The following DPYD variants were observed in gnomAD, a reference collection of about 807,000 sequenced individuals.
DPYD encodes the protein dihydropyrimidine dehydrogenase, also known as dihydropyrimidine dehydrogenase [NADP(+)].
In DPYD, 109 loss-of-function variants were observed where a neutral mutation model predicts 116.2. That is an observed-to-expected ratio of 0.94 (90% CI 0.80 to 1.10). The LOEUF (loss-of-function observed/expected upper bound fraction) is 1.10. DPYD is among the 50% of genes least tolerant of loss of function. The pLI is 0.00. For missense variants in DPYD, 1,302 were observed against 1,254.5 expected (o/e 1.04, Z -0.57); for synonymous variants, 440 against 432.0 (o/e 1.02, Z -0.23).
chr1:97,791,680 A>C (rs1667326383), intron 3 of DPYD, among the ~76,000 whole-genome samples: 1 of 152,230 alleles, frequency 6.6e-6, no homozygotes, highest in Admixed American at 6.5e-5. Context: ...AAGAATAATT[A>C]AATGCTAGTG....
intron 12 of DPYD, among the ~76,000 whole-genome samples, chr1:97,527,794 GAAAAAAA>G (rs35111926): frequency 3.5e-5 from 4 of 112,768 alleles, no homozygotes; most frequent in Admixed American, 9.3e-5. Flanking sequence ...ATGAAATTTG[GAAAAAAA>G]AAAAAAAAAA....
intron 14 of DPYD, among the ~76,000 whole-genome samples, chr1:97,446,778 C>T (rs544279688): frequency 6.6e-6 from 1 of 152,114 alleles, no homozygotes; most frequent in South Asian, 2.1e-4. Context: ...ATTCATAAGG[C>T]GTTTGCATTG....
chr1:97,221,735 T>C (rs939375125), intron 19 of DPYD, among the ~76,000 whole-genome samples: 10 of 152,056 alleles, frequency 6.6e-5, no homozygotes, highest in African/African-American at 9.7e-5. Flanking sequence ...CTCAGAACAA[T>C]TTTGGAACAT....
intron 16 of DPYD, among the ~76,000 whole-genome samples, chr1:97,365,494 G>C (rs1446984493): frequency 6.6e-6 from 1 of 152,092 alleles, no homozygotes; most frequent in Middle Eastern, 3.2e-3. Flanking sequence ...CAAATACATA[G>C]AGAATTCTGC....
At chr1:97,497,367 G>T (rs1011713072) in intron 13 of DPYD, among the ~76,000 whole-genome samples, 3 of 151,960 alleles carry the variant, frequency 2.0e-5, no homozygotes, top group Non-Finnish European at 4.4e-5. Context: ...TTCTTTGGAA[G>T]TTGCCTGTAA....
chr1:97,320,107 C>A (rs1351864070), intron 16 of DPYD, among the ~76,000 whole-genome samples: 2 of 124,960 alleles, frequency 1.6e-5, no homozygotes, highest in Admixed American at 8.3e-5. Context: ...CTATCTATGA[C>A]AAACCCACAG....
chr1:97,769,911 T>C (rs1186000069), intron 3 of DPYD, among the ~76,000 whole-genome samples: 3 of 152,142 alleles, frequency 2.0e-5, no homozygotes, highest in Admixed American at 1.3e-4. Context: ...TCACCTGTGA[T>C]TGTGCTGTGA....
chr1:97,481,725 A>C (rs1216480780), intron 13 of DPYD, among the ~76,000 whole-genome samples: 3 of 152,232 alleles, frequency 2.0e-5, no homozygotes, highest in African/African-American at 7.2e-5. Context: ...AAAAATGACA[A>C]AATTCAAGCT....
At chr1:97,315,247 C>T (rs1241911434) in intron 16 of DPYD, among the ~76,000 whole-genome samples, 1 of 151,928 alleles carries the variant, frequency 6.6e-6, no homozygotes, top group Non-Finnish European at 1.5e-5. Context: ...CTAACTGCTT[C>T]CTCCTTTAGG....
At chr1:97,712,872 T>C (rs1195245719) in intron 5 of DPYD, among the ~76,000 whole-genome samples, 2 of 152,104 alleles carry the variant, frequency 1.3e-5, no homozygotes, top group Non-Finnish European at 2.9e-5. Context: ...GCACCTATTT[T>C]TTATTAAACT....
chr1:97,532,382 G>C (rs773663090), intron 12 of DPYD, among the ~76,000 whole-genome samples: 1 of 152,104 alleles, frequency 6.6e-6, no homozygotes, highest in Non-Finnish European at 1.5e-5. Context: ...GTAACAGTGT[G>C]ATGCTGGCCT....
intron 20 of DPYD, among the ~76,000 whole-genome samples, chr1:97,191,486 C>T (rs78134256): frequency 2.0e-5 from 3 of 152,204 alleles, no homozygotes; most frequent in East Asian, 1.9e-4. Context: ...ATTACACTTA[C>T]GATTTTGATG....
At position 97,821,168 on chromosome 1, in the gene DPYD, T is replaced by C. The variant is rs76869127; in HGVS notation, c.233+6946A>G. ...CAACATGGTGAAGCCCCATCTCTAA[T>C]AAAAATACACAAATTAGCCAGGCAT... is the stretch of plus-strand genomic sequence containing the variant. On this transcript the variant is annotated intron_variant, in intron 3 of 22. Transcript: ENST00000370192. 5.7e-4 allele frequency among the ~76,000 whole-genome samples: 86 copies of C among 151,786 alleles called. 1 individual carries two copies. In the East Asian group the frequency reaches 0.016, roughly 29 times the overall value.
intron 22 of DPYD, 101 bp downstream of exon 22, chr1:97,082,228 AC>A: frequency 7.1e-7 from 1 of 1,414,550 alleles, no homozygotes; most frequent in Non-Finnish European, 1.0e-6. Context: ...AATATTTGGC[AC>A]CACTGGTTTA....
At chr1:97,267,630 C>A (rs902625765) in intron 18 of DPYD, among the ~76,000 whole-genome samples, 1 of 150,236 alleles carries the variant, frequency 6.7e-6, no homozygotes. Context: ...GAGGGTGGAG[C>A]TTTATGGCTT....
At chr1:97,170,899 T>G (rs1477757475) in intron 20 of DPYD, among the ~76,000 whole-genome samples, 3 of 152,026 alleles carry the variant, frequency 2.0e-5, no homozygotes, top group Admixed American at 2.0e-4. Context: ...TGGTTCGAGC[T>G]CCTGACCTCA....
At chr1:97,883,032 A>ATT (rs1672305871) in intron 2 of DPYD, among the ~76,000 whole-genome samples, 2 of 152,058 alleles carry the variant, frequency 1.3e-5, no homozygotes, top group African/African-American at 4.8e-5. Flanking sequence ...GGTATTATGA[A>ATT]TTTTCAGATT....
At chr1:97,227,331 C>CAAAAAA (rs60992225) in intron 19 of DPYD, among the ~76,000 whole-genome samples, 116 of 26,294 alleles carry the variant, frequency 4.4e-3, no homozygotes, top group African/African-American at 6.8e-3. Context: ...GACTCTATCT[C>CAAAAAA]AAAAAAAAAA....
chr1:97,261,862 A>T (rs1432887321), intron 18 of DPYD, among the ~76,000 whole-genome samples: 1 of 151,992 alleles, frequency 6.6e-6, no homozygotes, highest in Non-Finnish European at 1.5e-5. Context: ...TTTTTTCATC[A>T]TTCATGTGAC....
Sources: allele counts gnomAD v4.1 joint callset (sites outside exome capture counted in the v4.1 genomes callset), GRCh38; gene constraint gnomAD v4.1.1; transcripts MANE v1.5; gene names NCBI Gene and HGNC (gene_info 2026-07-23, HGNC 2026-07-21).